The following IL1RAPL1 variants were observed in gnomAD, a reference collection of about 807,000 sequenced individuals.
IL1RAPL1 encodes the protein interleukin 1 receptor accessory protein like 1.
In IL1RAPL1, 3 loss-of-function variants were observed where a neutral mutation model predicts 48.4. The observed-to-expected ratio is 0.06, with a 90% CI of 0.03 to 0.16. The LOEUF is 0.16. Ranked by LOEUF, IL1RAPL1 falls within the 10% of genes least tolerant of loss-of-function variation. The pLI is 1.00. For synonymous variants in IL1RAPL1, 185 were observed against 187.7 expected (o/e 0.99, Z 0.12); for missense variants, 349 against 530.6 (o/e 0.66, Z 3.36).
chrX:28,649,557 A>G (rs1270528696), intron 1 of IL1RAPL1, among the ~76,000 whole-genome samples: 1 of 112,687 alleles, frequency 8.9e-6, no homozygotes, highest in Non-Finnish European at 1.9e-5. Flanking sequence ...TAGTGTGTAT[A>G]CTTGTTTGAT....
intron 1 of IL1RAPL1, among the ~76,000 whole-genome samples, chrX:28,597,508 G>A (rs1455076071): frequency 9.0e-6 from 1 of 111,163 alleles, no homozygotes; most frequent in Non-Finnish European, 1.9e-5. Flanking sequence ...GAGGCAGGCG[G>A]ATCACCGGAG....
intron 2 of IL1RAPL1, among the ~76,000 whole-genome samples, chrX:29,126,314 A>G (rs1928899414): frequency 8.9e-6 from 1 of 112,374 alleles, no homozygotes. Context: ...TTCATAATCT[A>G]AAAACATTTT....
At chrX:28,613,493 T>C (rs1407265636) in intron 1 of IL1RAPL1, among the ~76,000 whole-genome samples, 1 of 113,060 alleles carries the variant, frequency 8.8e-6, no homozygotes, top group African/African-American at 3.2e-5. Context: ...GAAGCTGCAT[T>C]TTAAAAACAT....
rs190460538 is a variant in IL1RAPL1 at position 28,733,306 on chromosome X, T to G, written c.-24-56014T>G. 2.7e-5 allele frequency among the ~76,000 whole-genome samples: 3 copies of G among 111,060 alleles called. No individual in the cohort carries two copies. In the East Asian group the frequency reaches 8.4e-4, roughly 31 times the overall value. ...CTAATTTTAATACTAATCTTAACAA[T>G]ATTTTTGTATACCATCCCCCAGCTC... On this transcript the variant is annotated intron_variant, in intron 1 of 10. Coordinates refer to ENST00000378993, the MANE Select transcript of IL1RAPL1 (RefSeq NM_014271.4).
chrX:29,364,296 C>T (rs910925728), intron 3 of IL1RAPL1, among the ~76,000 whole-genome samples: 3 of 110,880 alleles, frequency 2.7e-5, no homozygotes, highest in African/African-American at 9.9e-5. Context: ...TGGTGGCTCA[C>T]ACCTGTAATC....
chrX:29,080,949 TTTC>T (rs200961375), intron 2 of IL1RAPL1, among the ~76,000 whole-genome samples: 1,050 of 30,098 alleles, frequency 0.035, 33 homozygotes, highest in African/African-American at 0.18. Flanking sequence ...TCTTTCTTTC[TTTC>T]TTTCTTTCTT....
intron 5 of IL1RAPL1, among the ~76,000 whole-genome samples, chrX:29,509,959 C>T (rs925661413): frequency 1.8e-5 from 2 of 111,740 alleles, no homozygotes; most frequent in African/African-American, 6.5e-5. Context: ...AATGGGATCA[C>T]TCATAGTAAT....
intron 3 of IL1RAPL1, among the ~76,000 whole-genome samples, chrX:29,323,860 T>G (rs1393631563): frequency 1.1e-5 from 1 of 92,226 alleles, no homozygotes; most frequent in African/African-American, 4.1e-5. Flanking sequence ...TTCCCCTACT[T>G]CCTCACTTTC....
At chrX:29,071,689 A>G (rs952314322) in intron 2 of IL1RAPL1, among the ~76,000 whole-genome samples, 1 of 111,359 alleles carries the variant, frequency 9.0e-6, no homozygotes, top group Non-Finnish European at 1.9e-5. Context: ...TGTGTGGGAA[A>G]TGCAACCACG....
At position 29,205,307 on chromosome X, in the gene IL1RAPL1, A is replaced by G. The variant is rs184145317; in HGVS notation, c.83-77631A>G. ...TTTTGTAAATATTTTACTTTTCTATACTTATAGTTGCAATTCAAACATTCG... is the reference window on the plus strand; with the variant it reads ...TTTTGTAAATATTTTACTTTTCTATGCTTATAGTTGCAATTCAAACATTCG... On this transcript the variant is annotated intron_variant, in intron 2 of 10. Transcript: ENST00000378993. Among the ~76,000 whole-genome samples the G allele has an allele frequency of 1.5e-4, 17 of 112,137 alleles. No individual in the cohort carries two copies. In the East Asian group the frequency reaches 3.9e-3, roughly 26 times the overall value.
At chrX:29,329,231 C>T (rs934232666) in intron 3 of IL1RAPL1, among the ~76,000 whole-genome samples, 9 of 110,991 alleles carry the variant, frequency 8.1e-5, no homozygotes, top group Admixed American at 2.9e-4. Context: ...TTCTTCTGTC[C>T]GTCTATATCC....
At chrX:29,421,710 A>C (rs966649054) in intron 5 of IL1RAPL1, among the ~76,000 whole-genome samples, 3 of 111,884 alleles carry the variant, frequency 2.7e-5, no homozygotes, top group African/African-American at 9.8e-5. Context: ...TATTATCCAT[A>C]ATAGTACAAT....
At chrX:29,778,936 G>A (rs1929271413) in intron 6 of IL1RAPL1, among the ~76,000 whole-genome samples, 1 of 110,983 alleles carries the variant, frequency 9.0e-6, no homozygotes, top group African/African-American at 3.3e-5. Context: ...CAAACTTAAA[G>A]GTTCACATGA....
chrX:28,738,133 G>A (rs1340759370), intron 1 of IL1RAPL1, among the ~76,000 whole-genome samples: 1 of 110,081 alleles, frequency 9.1e-6, no homozygotes, highest in East Asian at 2.8e-4. Context: ...TTCTTTGCAT[G>A]TTTCCAAATA....
chrX:28,636,070 A>T (rs1020203036), intron 1 of IL1RAPL1, among the ~76,000 whole-genome samples: 3 of 111,518 alleles, frequency 2.7e-5, no homozygotes, highest in Non-Finnish European at 3.8e-5. Flanking sequence ...CTCCAAAAGC[A>T]TCAGCATAGC....
intron 5 of IL1RAPL1, among the ~76,000 whole-genome samples, chrX:29,418,512 CT>C (rs1934252145): frequency 9.0e-6 from 1 of 111,364 alleles, no homozygotes; most frequent in African/African-American, 3.3e-5. Flanking sequence ...TATAAGTCCA[CT>C]ACTCAAAATG....
At position 29,288,677 on chromosome X, in the gene IL1RAPL1, G is replaced by A. The variant is rs1235242697; in HGVS notation, c.362+5460G>A. On this transcript the variant is annotated intron_variant, in intron 3 of 10. Coordinates refer to ENST00000378993, the MANE Select transcript of IL1RAPL1 (RefSeq NM_014271.4). ...TTATATTCATTTGGGAATATGCCCAGTAATGGGATTGCTGCATCAAATGGT... is the reference window on the plus strand; with the variant it reads ...TTATATTCATTTGGGAATATGCCCAATAATGGGATTGCTGCATCAAATGGT... 2.7e-5 allele frequency among the ~76,000 whole-genome samples: 3 copies of A among 112,418 alleles called. No homozygotes were observed. The East Asian group carries it at 8.3e-4, about 31-fold the overall frequency.
At chrX:29,139,336 T>C in intron 2 of IL1RAPL1, among the ~76,000 whole-genome samples, 1 of 96,546 alleles carries the variant, frequency 1.0e-5, no homozygotes, top group African/African-American at 4.3e-5. Flanking sequence ...ATGAGAAAAA[T>C]AATGGAAAAG....
At chrX:29,238,457 C>T (rs1931349634) in intron 2 of IL1RAPL1, among the ~76,000 whole-genome samples, 1 of 111,617 alleles carries the variant, frequency 9.0e-6, no homozygotes, top group Admixed American at 9.5e-5. Flanking sequence ...CTCCATATAC[C>T]TGTTACCTAG....
Sources: allele counts gnomAD v4.1 joint callset (sites outside exome capture counted in the v4.1 genomes callset), GRCh38; gene constraint gnomAD v4.1.1; transcripts MANE v1.5; gene names NCBI Gene and HGNC (gene_info 2026-07-23, HGNC 2026-07-21).